The following EPM2A variants were observed in gnomAD, a reference collection of about 807,000 sequenced individuals.
EPM2A encodes laforin.
A neutral mutation model predicts 26.5 loss-of-function variants in EPM2A; 21 were observed. The observed-to-expected ratio is 0.79, with a 90% CI of 0.56 to 1.14. EPM2A has a LOEUF of 1.14. EPM2A is among the 50% of genes most tolerant of loss of function. EPM2A has a pLI of 0.00. For missense variants in EPM2A, 458 were observed against 440.8 expected, an observed-to-expected ratio of 1.04 and a Z score of -0.35; for synonymous variants, 217 against 177.6, an observed-to-expected ratio of 1.22 and a Z score of -1.76.
intron 1 of EPM2A, among the ~76,000 whole-genome samples, chr6:145,691,962 T>C (rs1388697187): frequency 6.6e-6 from 1 of 151,964 alleles, no homozygotes; most frequent in Non-Finnish European, 1.5e-5. Context: ...TTTAAGTGAA[T>C]CAATTATATG....
downstream of EPM2A, among the ~76,000 whole-genome samples, chr6:145,496,687 G>A (rs191129056): frequency 2.8e-4 from 41 of 147,360 alleles, 2 homozygotes; most frequent in South Asian, 4.3e-4. Flanking sequence ...GATGGGTTAC[G>A]TTCTTCACTA....
intron 2 of EPM2A, chr6:145,502,622 G>A (rs773097672): frequency 2.1e-6 from 1 of 470,326 alleles, no homozygotes; most frequent in South Asian, 1.6e-5. Context: ...ACCTGGCACA[G>A]TGCCAGCCTT....
Position 145,735,185 on chromosome 6 carries a change from C to T in EPM2A, c.301+13G>A, listed in dbSNP as rs1411513402. On this transcript the variant is annotated intron_variant, in intron 1 of 3. Coordinates refer to ENST00000367519, the MANE Select transcript of EPM2A (RefSeq NM_005670.4). ...CCCGCTCTGCGCCGGGGGCAGGCGT[C>T]TGCTGGCAATACCTTCCCAGGAGAG... 3 of 1,492,974 alleles carry T rather than the reference C, an allele frequency of 2.0e-6. No homozygotes were observed. The highest frequency in any genetic ancestry group is 1.2e-5 in the South Asian group (1 of 80,154). The allele number at this position is 1,492,974 out of a possible 1,614,324, so 92.5% of individuals were successfully genotyped here.
intron 2 of EPM2A, among the ~76,000 whole-genome samples, chr6:145,676,127 C>G (rs1780020487): frequency 6.6e-6 from 1 of 152,188 alleles, no homozygotes; most frequent in Admixed American, 6.5e-5. Flanking sequence ...GAAACTCACT[C>G]AAAACCACAC....
intron 2 of EPM2A, among the ~76,000 whole-genome samples, chr6:145,519,468 C>A (rs1780175069): frequency 6.6e-6 from 1 of 152,106 alleles, no homozygotes; most frequent in Non-Finnish European, 1.5e-5. Context: ...TGGAATCCCC[C>A]CTCCAACTTC....
rs551121832 is a variant in EPM2A at position 145,697,250 on chromosome 6, G to A, written c.302-10954C>T. Among the ~76,000 whole-genome samples, 10 of 152,204 alleles carry A rather than the reference G, an allele frequency of 6.6e-5. 1 individual carries two copies. Among genetic ancestry groups the A allele is most frequent in the Non-Finnish European group, 1.0e-4 (7 of 68,014 alleles). On this transcript the variant is annotated intron_variant, in intron 1 of 3. Transcript: ENST00000367519. ...TGTCGGCAGGTTCCGTGATGCCCCC[G>A]GAGCCGTAAAACCAGCAAGTTTTTA...
chr6:145,444,393 C>A (rs982859847), intron 4 of EPM2A, among the ~76,000 whole-genome samples: 1 of 152,186 alleles, frequency 6.6e-6, no homozygotes, highest in African/African-American at 2.4e-5. Flanking sequence ...TGTGATGAAT[C>A]ACATTTATCT....
At chr6:145,733,413 C>A (rs143898599) in intron 1 of EPM2A, among the ~76,000 whole-genome samples, 35 of 152,138 alleles carry the variant, frequency 2.3e-4, no homozygotes, top group African/African-American at 8.4e-4. Flanking sequence ...GTGTCAATAT[C>A]TATTGCCTAA....
intron 2 of EPM2A, among the ~76,000 whole-genome samples, chr6:145,567,819 A>C (rs1428492531): frequency 1.3e-5 from 2 of 152,096 alleles, no homozygotes; most frequent in Non-Finnish European, 2.9e-5. Flanking sequence ...CCCAGCCATC[A>C]CTCTCTCAGA....
chr6:145,619,472 C>G (rs1775584549), intron 2 of EPM2A, among the ~76,000 whole-genome samples: 1 of 152,156 alleles, frequency 6.6e-6, no homozygotes, highest in Admixed American at 6.5e-5. Context: ...TGGAAGTGAG[C>G]TGATGGAAAG....
At chr6:145,525,164 T>C (rs1417708263) in intron 2 of EPM2A, among the ~76,000 whole-genome samples, 1 of 152,160 alleles carries the variant, frequency 6.6e-6, no homozygotes, top group Non-Finnish European at 1.5e-5. Flanking sequence ...CTGTATTGTT[T>C]ACTGCAGCCT....
rs1342697657 is a variant in EPM2A at position 145,552,270 on chromosome 6, A to C, written c.341-49695T>G. Reference sequence around the variant, plus strand: ...GAAGCCAATACATCTCAAGTAGAATAAATGAAAATAAATTATATTTTAGAC... The same window carrying C: ...GAAGCCAATACATCTCAAGTAGAATCAATGAAAATAAATTATATTTTAGAC... On this transcript the variant is annotated intron_variant, in intron 2 of 3. Transcript: ENST00000450221. 2.5e-4 allele frequency among the ~76,000 whole-genome samples: 38 copies of C among 152,072 alleles called. 1 individual carries two copies. The highest frequency in any genetic ancestry group is 2.5e-3 in the Admixed American group (38 of 15,246).
At chr6:145,590,353 C>A (rs1781256113) in intron 2 of EPM2A, among the ~76,000 whole-genome samples, 1 of 151,924 alleles carries the variant, frequency 6.6e-6, no homozygotes, top group South Asian at 2.1e-4. Context: ...TTTACCAGAG[C>A]CTAATACACC....
At chr6:145,554,455 G>GATAGATAC (rs1780698338) in intron 2 of EPM2A, among the ~76,000 whole-genome samples, 1 of 148,522 alleles carries the variant, frequency 6.7e-6, no homozygotes, top group African/African-American at 2.6e-5. Context: ...TAGATAGATA[G>GATAGATAC]ATAGATAGAT....
intron 2 of EPM2A, among the ~76,000 whole-genome samples, chr6:145,562,902 T>C (rs926731485): frequency 6.6e-6 from 1 of 151,448 alleles, no homozygotes; most frequent in Non-Finnish European, 1.5e-5. Context: ...AGAGAAGGCC[T>C]GTCTGAGGGG....
intron 4 of EPM2A, among the ~76,000 whole-genome samples, chr6:145,459,887 C>T (rs1019080684): frequency 3.9e-5 from 6 of 152,086 alleles, no homozygotes; most frequent in African/African-American, 7.2e-5. Context: ...CATGCAACAG[C>T]TGAAAAAGGC....
chr6:145,433,969 A>C (rs1414641516), intron 4 of EPM2A, among the ~76,000 whole-genome samples: 1 of 151,972 alleles, frequency 6.6e-6, no homozygotes, highest in African/African-American at 2.4e-5. Context: ...TAGGATGATG[A>C]TTATTAGTAT....
rs934705626 is a variant in EPM2A, at chr6:145,706,039, G to C, written c.302-19743C>G. 5.6e-5 allele frequency: 24 copies of C among 431,428 alleles called. No individual in the cohort carries two copies. In the Admixed American group the frequency reaches 6.0e-4, roughly 11 times the overall value. The allele number at this position is 431,428 out of a possible 1,614,324, so 26.7% of individuals were successfully genotyped here. A position where few individuals can be genotyped will look rare whatever the true frequency, so the allele number is the denominator to read the frequency against. On this transcript the variant is annotated intron_variant, in intron 1 of 3. Transcript: ENST00000367519. ...AAGGCTGGAAGACTTGGAATGTTTA[G>C]GTTTCAGATATTCAAGATGCAAATG...
chr6:145,422,322 T>C (rs1778800413), intron 4 of EPM2A, among the ~76,000 whole-genome samples: 1 of 148,256 alleles, frequency 6.7e-6, no homozygotes, highest in African/African-American at 2.4e-5. Context: ...TTTGTGTGTA[T>C]ATACATATAT....
Sources: allele counts gnomAD v4.1 joint callset (sites outside exome capture counted in the v4.1 genomes callset), GRCh38; gene constraint gnomAD v4.1.1; transcripts MANE v1.5; gene names NCBI Gene and HGNC (gene_info 2026-07-23, HGNC 2026-07-21).